GRAMD2B: variants seen among roughly 807,000 people sequenced by gnomAD.
GRAMD2B encodes GRAM domain-containing protein 2B.
GRAMD2B carries 41 observed loss-of-function variants against 59.2 expected under a neutral mutation model. The ratio of observed to expected loss-of-function variants is 0.69; its 90% confidence interval spans 0.54 to 0.90. GRAMD2B has a LOEUF of 0.90. GRAMD2B is among the 40% of genes least tolerant of loss of function. The pLI, the probability that GRAMD2B is intolerant of heterozygous loss-of-function variation, is 0.00. For missense variants in GRAMD2B, 424 were observed against 500.5 expected (o/e 0.85, Z 1.46); for synonymous variants, 161 against 182.7 (o/e 0.88, Z 0.96).
At chr5:126,476,382 A>G (rs1770632178) in intron 5 of GRAMD2B, among the ~76,000 whole-genome samples, 1 of 152,206 alleles carries the variant, frequency 6.6e-6, no homozygotes, top group African/African-American at 2.4e-5. Context: ...AGTGAGTGTG[A>G]GTTCCTAGGG....
At chr5:126,432,073 C>T (rs1342321963) in intron 1 of GRAMD2B, among the ~76,000 whole-genome samples, 2 of 152,114 alleles carry the variant, frequency 1.3e-5, no homozygotes, top group South Asian at 4.1e-4. Context: ...GGACTACAGG[C>T]GTGCACCACC....
chr5:126,469,141 A>G (rs1398097248), intron 2 of GRAMD2B, among the ~76,000 whole-genome samples: 1 of 152,162 alleles, frequency 6.6e-6, no homozygotes, highest in Non-Finnish European at 1.5e-5. Flanking sequence ...TCACAACTTG[A>G]TTGTTATTTC....
chr5:126,361,245 G>C (rs1754203195), intron 1 of GRAMD2B, among the ~76,000 whole-genome samples: 1 of 152,166 alleles, frequency 6.6e-6, no homozygotes, highest in Non-Finnish European at 1.5e-5. Context: ...TCTTCAGAAA[G>C]ACATGTGAAG....
chr5:126,360,389 G>T, exon 1 of GRAMD2B: 1 of 1,551,428 alleles, frequency 6.4e-7, no homozygotes, highest in East Asian at 2.4e-5. Flanking sequence ...AACATTCCAA[G>T]CACAGCTTAT....
chr5:126,482,280 C>G (rs952824735), intron 8 of GRAMD2B, among the ~76,000 whole-genome samples: 2 of 152,138 alleles, frequency 1.3e-5, no homozygotes, highest in African/African-American at 4.8e-5. Flanking sequence ...TGTGAATATT[C>G]TAAACACCAC....
At chr5:126,438,726 T>C (rs1348350946) in intron 1 of GRAMD2B, among the ~76,000 whole-genome samples, 1 of 152,060 alleles carries the variant, frequency 6.6e-6, no homozygotes, top group African/African-American at 2.4e-5. Flanking sequence ...TATTAGAAGT[T>C]TAAAAGGCTG....
At chr5:126,429,533 A>G (rs1432126331) in intron 1 of GRAMD2B, among the ~76,000 whole-genome samples, 2 of 152,188 alleles carry the variant, frequency 1.3e-5, no homozygotes, top group Admixed American at 1.3e-4. Context: ...CTGAACTTCA[A>G]TGTTAAAGAA....
rs544168053 is a variant in GRAMD2B, at chr5:126,411,962, T to C, written c.125+40395T>C. 6.6e-5 allele frequency among the ~76,000 whole-genome samples: 10 copies of C among 152,180 alleles called. No individual in the cohort carries two copies. In the South Asian group the frequency reaches 2.1e-3, roughly 32 times the overall value. On this transcript the variant is annotated intron_variant, in intron 1 of 8. Transcript: ENST00000506445. ...TACTGATTTTTGTACATTGATTTTG[T>C]ATCCTGAAACTTTACTAAGTCATTT...
intron 1 of GRAMD2B, among the ~76,000 whole-genome samples, chr5:126,374,268 G>C (rs552900733): frequency 6.6e-6 from 1 of 152,286 alleles, no homozygotes; most frequent in Admixed American, 6.5e-5. Flanking sequence ...AATCTGCAAG[G>C]TGTGAAATGG....
chr5:126,374,344 G>T (rs1755008691), intron 1 of GRAMD2B, among the ~76,000 whole-genome samples: 1 of 152,056 alleles, frequency 6.6e-6, no homozygotes, highest in Admixed American at 6.6e-5. Flanking sequence ...ATGTTTAGTG[G>T]TCTTTTTTTG....
intron 3 of GRAMD2B, among the ~76,000 whole-genome samples, chr5:126,470,850 G>A (rs999819449): frequency 6.6e-5 from 10 of 152,118 alleles, no homozygotes; most frequent in Non-Finnish European, 5.9e-5. Flanking sequence ...ATGAGCCACC[G>A]CACTCAGCCT....
chr5:126,439,881 G>A (rs1763013321), intron 1 of GRAMD2B, among the ~76,000 whole-genome samples: 2 of 152,148 alleles, frequency 1.3e-5, no homozygotes, highest in South Asian at 4.2e-4. Flanking sequence ...CATGAGAACT[G>A]ATGGTTTTAT....
intron 1 of GRAMD2B, among the ~76,000 whole-genome samples, chr5:126,408,389 T>C (rs572214353): frequency 6.6e-6 from 1 of 152,174 alleles, no homozygotes; most frequent in Non-Finnish European, 1.5e-5. Context: ...TTTGCTATTG[T>C]GAATAGTGCT....
At chr5:126,412,583 G>T (rs1339896891) in intron 1 of GRAMD2B, among the ~76,000 whole-genome samples, 2 of 152,036 alleles carry the variant, frequency 1.3e-5, no homozygotes, top group Admixed American at 6.6e-5. Flanking sequence ...TTTTTGTTGT[G>T]TCTTTACCAG....
chr5:126,440,231 A>T (rs890107416), intron 1 of GRAMD2B, among the ~76,000 whole-genome samples: 9 of 152,218 alleles, frequency 5.9e-5, no homozygotes, highest in Non-Finnish European at 1.3e-4. Context: ...AAAGGGGAAA[A>T]CTTGAATAAA....
intron 1 of GRAMD2B, chr5:126,465,173 C>T (rs1451265431): frequency 2.2e-6 from 3 of 1,346,138 alleles, no homozygotes; most frequent in Non-Finnish European, 2.9e-6. Context: ...GCAGCACAGA[C>T]CTGGGAGCCA....
intron 1 of GRAMD2B, among the ~76,000 whole-genome samples, chr5:126,432,261 G>A (rs1761691418): frequency 6.6e-6 from 1 of 152,080 alleles, no homozygotes; most frequent in Non-Finnish European, 1.5e-5. Flanking sequence ...TATACATGTT[G>A]GTGTTTTCTT....
chr5:126,406,258 T>C lies in GRAMD2B; in HGVS notation c.125+34691T>C, dbSNP rs1324417369. Among the ~76,000 whole-genome samples, 3 of 152,082 alleles carry C rather than the reference T, an allele frequency of 2.0e-5. No individual in the cohort carries two copies. In the South Asian group the frequency reaches 6.2e-4, roughly 31 times the overall value. Reference sequence around the variant, plus strand: ...TAAAATGGATATACCTAATGTTAAATGACGAGTTACTGGGTGCAGCACACC... The same window carrying C: ...TAAAATGGATATACCTAATGTTAAACGACGAGTTACTGGGTGCAGCACACC... On this transcript the variant is annotated intron_variant, in intron 1 of 8. Transcript: ENST00000506445.
intron 1 of GRAMD2B, among the ~76,000 whole-genome samples, chr5:126,416,561 T>C (rs1759284419): frequency 6.6e-6 from 1 of 152,214 alleles, no homozygotes. Flanking sequence ...ATTCCATTCT[T>C]GTGGGAGAGG....
Sources: allele counts gnomAD v4.1 joint callset (sites outside exome capture counted in the v4.1 genomes callset), GRCh38; gene constraint gnomAD v4.1.1; transcripts MANE v1.5; gene names NCBI Gene and HGNC (gene_info 2026-07-23, HGNC 2026-07-21).